The following TFB1M variants were observed in gnomAD, a reference collection of about 807,000 sequenced individuals.
TFB1M encodes transcription factor B1, mitochondrial, also known as dimethyladenosine transferase 1, mitochondrial.
TFB1M carries 27 observed loss-of-function variants against 31.1 expected under a neutral mutation model. The ratio of observed to expected loss-of-function variants is 0.87; its 90% CI spans 0.64 to 1.20. The LOEUF (loss-of-function observed/expected upper bound fraction) is 1.20. Among genes scored for constraint, TFB1M ranks in the 50% most tolerant of loss-of-function variants. TFB1M has a pLI of 0.00. For missense variants in TFB1M, 394 were observed against 418.7 expected (o/e 0.94, Z 0.51); for synonymous variants, 166 against 151.8 (o/e 1.09, Z -0.69).
the TFB1M span, chr6:155,248,058 T>C: frequency 4.3e-6 from 7 of 1,614,240 alleles, no homozygotes; most frequent in East Asian, 1.6e-4. Flanking sequence ...CCAAGCAGCA[T>C]TCCTCCACGC....
chr6:155,293,809 T>C (rs1022203207), intron 4 of TFB1M, among the ~76,000 whole-genome samples: 2 of 152,216 alleles, frequency 1.3e-5, no homozygotes, highest in Non-Finnish European at 2.9e-5. Flanking sequence ...ATTCACTCCC[T>C]GTTATATTTA....
chr6:155,254,693 C>T, downstream of TFB1M: 1 of 1,319,478 alleles, frequency 7.6e-7, no homozygotes, highest in Non-Finnish European at 1.0e-6. Context: ...GTACCTTTAT[C>T]TCCTTTTAAG....
intron 6 of TFB1M, 126 bp downstream of exon 6, chr6:155,260,147 G>A (rs1405662285): frequency 2.1e-5 from 24 of 1,119,824 alleles, no homozygotes; most frequent in Non-Finnish European, 2.8e-5. Context: ...AGTCTTGTCC[G>A]TCACAGGCCT....
intron 1 of TFB1M, among the ~76,000 whole-genome samples, chr6:155,313,485 C>T: frequency 6.6e-6 from 1 of 152,072 alleles, no homozygotes; most frequent in East Asian, 1.9e-4. Context: ...GTACTCCAGC[C>T]GTGACTTAGT....
chr6:155,287,578 G>GTGTGTGTA lies in TFB1M; in HGVS notation c.547-2302_547-2301insTACACACA, dbSNP rs1184235837. On this transcript the variant is annotated intron_variant, in intron 4 of 6. Transcript: ENST00000367166. ...TGTGTGTGTGTGTGTGTGTGTGTAT[G>GTGTGTGTA]TGTGTGTGGTGTATTTATCTGCAAT... Among the ~76,000 whole-genome samples, 6 of 148,386 alleles carry GTGTGTGTA rather than the reference G, an allele frequency of 4.0e-5. No homozygotes were observed. The East Asian group carries it at 1.2e-3, about 29-fold the overall frequency.
chr6:155,311,462 A>G (rs1778015310), intron 1 of TFB1M, 123 bp from the exon 2 acceptor site: 1 of 802,696 alleles, frequency 1.2e-6, no homozygotes, highest in South Asian at 1.5e-5. Context: ...TTTATGTATA[A>G]TATTTATTTG....
At chr6:155,290,373 G>A (rs185842419) in intron 4 of TFB1M, among the ~76,000 whole-genome samples, 1,586 of 134,396 alleles carry the variant, frequency 0.012, 17 homozygotes, top group Middle Eastern at 0.02. Context: ...GTGACAGAGC[G>A]GCGAGACTCG....
intron 5 of TFB1M, among the ~76,000 whole-genome samples, chr6:155,274,615 T>C (rs773555912): frequency 3.3e-5 from 5 of 152,238 alleles, no homozygotes; most frequent in East Asian, 1.9e-4. Flanking sequence ...CAAAAAACAG[T>C]GGCTTAATTG....
rs575981630 is a variant in TFB1M, at chr6:155,300,456, G to C, written c.286-1871C>G. On this transcript the variant is annotated intron_variant, in intron 2 of 6. Coordinates refer to ENST00000367166, the MANE Select transcript of TFB1M (RefSeq NM_016020.4). Reference sequence around the variant, plus strand: ...TTTAAAAAGAGACAGCTCTCTATGCGGCATGCTCTTAATGTATAAAACCAC... The same window carrying C: ...TTTAAAAAGAGACAGCTCTCTATGCCGCATGCTCTTAATGTATAAAACCAC... 3.9e-5 allele frequency among the ~76,000 whole-genome samples: 6 copies of C among 152,110 alleles called. No individual in the cohort carries two copies. The East Asian group carries it at 1.2e-3, about 29-fold the overall frequency.
chr6:155,252,981 G>A (rs760770976), downstream of TFB1M: 3 of 1,613,988 alleles, frequency 1.9e-6, no homozygotes, highest in South Asian at 2.2e-5. Flanking sequence ...CAACTCTACT[G>A]ACTTGGACCC....
chr6:155,266,288 A>G (rs912718), intron 5 of TFB1M, among the ~76,000 whole-genome samples: 99,877 of 152,042 alleles, frequency 0.66, 33,565 homozygotes, highest in East Asian at 0.98. Context: ...AATTAAATAA[A>G]AGCCACTGGG....
the TFB1M span, among the ~76,000 whole-genome samples, chr6:155,239,740 G>A: frequency 2.0e-5 from 3 of 152,142 alleles, no homozygotes; most frequent in Admixed American, 6.5e-5. Flanking sequence ...ACATTCCCTA[G>A]GCCTGGCCCT....
At chr6:155,237,206 C>A in the TFB1M span, among the ~76,000 whole-genome samples, 8 of 152,260 alleles carry the variant, frequency 5.3e-5, no homozygotes, top group South Asian at 1.4e-3. Context: ...ATTCCGAAAT[C>A]CAGCAGGACA....
chr6:155,297,171 CG>C, intron 3 of TFB1M, 67 bp from the exon 4 acceptor site: 2 of 1,529,004 alleles, frequency 1.3e-6, no homozygotes, highest in Non-Finnish European at 1.8e-6. Context: ...ATTTCAGTGA[CG>C]AGTAAAATCA....
At chr6:155,283,556 A>T (rs899224746) in intron 5 of TFB1M, among the ~76,000 whole-genome samples, 2 of 152,248 alleles carry the variant, frequency 1.3e-5, no homozygotes, top group Non-Finnish European at 2.9e-5. Context: ...CTTACCACTA[A>T]ATCAAAGATA....
At chr6:155,243,902 A>ATTATCC in the TFB1M span, 1 of 671,300 alleles carries the variant, frequency 1.5e-6, no homozygotes, top group Non-Finnish European at 2.6e-6. Flanking sequence ...CATAAACTTC[A>ATTATCC]TTATCCTGAT....
At chr6:155,284,205 A>C (rs1261586531) in intron 5 of TFB1M, among the ~76,000 whole-genome samples, 1 of 152,260 alleles carries the variant, frequency 6.6e-6, no homozygotes, top group African/African-American at 2.4e-5. Flanking sequence ...AGGCGTCTTC[A>C]AGACAGACAA....
At chr6:155,309,696 C>T (rs1777937845) in intron 2 of TFB1M, among the ~76,000 whole-genome samples, 1 of 152,006 alleles carries the variant, frequency 6.6e-6, no homozygotes, top group Admixed American at 6.6e-5. Context: ...GTGAGTATTC[C>T]CTATGTCCAA....
the TFB1M span, among the ~76,000 whole-genome samples, chr6:155,231,737 T>C: frequency 2.0e-5 from 3 of 152,220 alleles, no homozygotes; most frequent in Non-Finnish European, 2.9e-5. Context: ...GAGCCCCTTG[T>C]TCCCACTGTG....
Sources: allele counts gnomAD v4.1 joint callset (sites outside exome capture counted in the v4.1 genomes callset), GRCh38; gene constraint gnomAD v4.1.1; transcripts MANE v1.5; gene names NCBI Gene and HGNC (gene_info 2026-07-23, HGNC 2026-07-21).